Variants in DCLK1 observed in about 807,000 individuals in gnomAD.
The protein encoded by DCLK1 is doublecortin like kinase 1.
DCLK1 carries 16 observed loss-of-function variants against 86.2 expected under a neutral mutation model. The observed-to-expected ratio is 0.19, with a 90% CI of 0.13 to 0.28. DCLK1 has a LOEUF of 0.28. Ranked by LOEUF, DCLK1 falls within the 10% of genes least tolerant of loss-of-function variation. The pLI, the probability that DCLK1 is intolerant of heterozygous loss-of-function variation, is 1.00. For missense variants in DCLK1, 590 were observed against 940.2 expected, an observed-to-expected ratio of 0.63 and a Z score of 4.87; for synonymous variants, 369 against 370.5, an observed-to-expected ratio of 1.00 and a Z score of 0.05.
At chr13:36,083,341 G>A (rs756761397) in intron 3 of DCLK1, among the ~76,000 whole-genome samples, 5 of 152,136 alleles carry the variant, frequency 3.3e-5, no homozygotes, top group South Asian at 2.1e-4. Flanking sequence ...ACGTGTTCAC[G>A]TCTCTGAAAC....
intron 4 of DCLK1, among the ~76,000 whole-genome samples, chr13:35,944,387 T>C (rs74046171): frequency 0.072 from 10,912 of 152,190 alleles, 1,238 homozygotes; most frequent in African/African-American, 0.24. Context: ...GACACCCCTT[T>C]AAGGAAGCTA....
intron 4 of DCLK1, among the ~76,000 whole-genome samples, chr13:35,878,960 A>T (rs567968538): frequency 6.6e-6 from 1 of 151,980 alleles, no homozygotes; most frequent in East Asian, 1.9e-4. Context: ...TGATTTTTGT[A>T]TTATTAGTAG....
rs563992640 is a variant in DCLK1 at position 35,967,694 on chromosome 13, G to A, written c.724-20237C>T. Among the ~76,000 whole-genome samples, 15 of 152,204 alleles carry A rather than the reference G, an allele frequency of 9.9e-5. No homozygotes were observed. In the South Asian group the frequency reaches 2.9e-3, roughly 30 times the overall value. On this transcript the variant is annotated intron_variant, in intron 3 of 16. Coordinates refer to ENST00000360631, the MANE Select transcript of DCLK1 (RefSeq NM_001330071.2). Reference sequence around the variant, plus strand: ...CCCAGGGACACAAACACTGCGGAAGGCGGCAGGGCCCTCTGCCTAGGAAAA... The same window carrying A: ...CCCAGGGACACAAACACTGCGGAAGACGGCAGGGCCCTCTGCCTAGGAAAA...
chr13:35,936,315 T>A (rs1264186597), intron 4 of DCLK1, among the ~76,000 whole-genome samples: 1 of 152,214 alleles, frequency 6.6e-6, no homozygotes, highest in Non-Finnish European at 1.5e-5. Flanking sequence ...TGCAATAGGA[T>A]TGAAAATGAA....
At chr13:36,060,215 A>T (rs964486817) in intron 3 of DCLK1, among the ~76,000 whole-genome samples, 1 of 152,166 alleles carries the variant, frequency 6.6e-6, no homozygotes, top group African/African-American at 2.4e-5. Context: ...AATTCACATG[A>T]GCTATCTATA....
rs1301089146 is a variant in DCLK1 at position 35,774,367 on chromosome 13, T to C, written c.*168A>G. On this transcript the variant is annotated 3_prime_UTR_variant, in exon 17 of 17. Transcript: ENST00000360631. ...TCTTCACAATCACCACGTGTCATCTTATTCAGTAAAGGGAAACCGCTACAA... is the reference window on the plus strand; with the variant it reads ...TCTTCACAATCACCACGTGTCATCTCATTCAGTAAAGGGAAACCGCTACAA... The C allele has an allele frequency of 4.7e-6, 4 of 851,280 alleles. No individual in the cohort carries two copies. The highest frequency in any genetic ancestry group is 5.8e-5 in the Admixed American group (2 of 34,292). The allele number at this position is 851,280 out of a possible 1,614,324, so 52.7% of individuals were successfully genotyped here. A position where few individuals can be genotyped will look rare whatever the true frequency, so the allele number is the denominator to read the frequency against.
At chr13:36,130,030 T>C (rs368177385) in intron 1 of DCLK1, among the ~76,000 whole-genome samples, 1 of 152,286 alleles carries the variant, frequency 6.6e-6, no homozygotes, top group East Asian at 1.9e-4. Context: ...AGGCATATTT[T>C]AACCGTGGGA....
intron 4 of DCLK1, among the ~76,000 whole-genome samples, chr13:35,936,231 G>A (rs1442100017): frequency 6.6e-6 from 1 of 152,112 alleles, no homozygotes; most frequent in Non-Finnish European, 1.5e-5. Flanking sequence ...ATAGAACACT[G>A]AATATAGTGC....
At chr13:35,966,183 G>A (rs929023154) in intron 3 of DCLK1, among the ~76,000 whole-genome samples, 3 of 152,184 alleles carry the variant, frequency 2.0e-5, no homozygotes, top group Admixed American at 6.5e-5. Context: ...TGAAATTCTT[G>A]TGGGAATAAA....
intron 3 of DCLK1, among the ~76,000 whole-genome samples, chr13:35,979,938 G>T (rs1386500393): frequency 6.6e-6 from 1 of 152,138 alleles, no homozygotes; most frequent in Non-Finnish European, 1.5e-5. Flanking sequence ...GTGTGCTGTT[G>T]AAAATATAAC....
In DCLK1 at chr13:35,839,045, C is replaced by A. The variant is rs546174828; in HGVS notation, c.1120+47G>T. ...CCACAGTTTCTTGGAGTAAATTTAG[C>A]CAACCCATCCTCTGCCTCCTCAGAT... On this transcript the variant is annotated intron_variant, in intron 7 of 16. Coordinates refer to ENST00000360631, the MANE Select transcript of DCLK1 (RefSeq NM_001330071.2). 11 of 1,535,142 alleles carry A rather than the reference C, an allele frequency of 7.2e-6. No homozygotes were observed. The South Asian group carries it at 1.3e-4, about 18-fold the overall frequency.
intron 6 of DCLK1, chr13:35,847,602 C>A (rs1418370694): frequency 1.2e-6 from 1 of 810,086 alleles, no homozygotes; most frequent in Admixed American, 1.5e-4. Context: ...GACTTGCACA[C>A]TTCATTGTTT....
At chr13:36,114,044 TAA>T (rs771162328) in intron 2 of DCLK1, among the ~76,000 whole-genome samples, 3 of 152,198 alleles carry the variant, frequency 2.0e-5, no homozygotes, top group Non-Finnish European at 2.9e-5. Flanking sequence ...TGATTATTTA[TAA>T]GTTTCTATAC....
intron 11 of DCLK1, among the ~76,000 whole-genome samples, chr13:35,814,225 C>G (rs1314696943): frequency 6.6e-6 from 1 of 152,174 alleles, no homozygotes; most frequent in African/African-American, 2.4e-5. Flanking sequence ...GTTAAAAATT[C>G]ACAGATTGCT....
intron 4 of DCLK1, among the ~76,000 whole-genome samples, chr13:35,932,543 A>G (rs1360916623): frequency 6.6e-6 from 1 of 152,224 alleles, no homozygotes; most frequent in Admixed American, 6.5e-5. Flanking sequence ...GAAGCCTCAC[A>G]ATCATGGCAG....
Position 36,111,909 on chromosome 13 carries a change from G to A in DCLK1, c.683C>T (p.Ser228Leu). 1 of 1,614,090 alleles carries A rather than the reference G, an allele frequency of 6.2e-7. No homozygotes were observed. The highest frequency in any genetic ancestry group is 8.5e-7 in the Non-Finnish European group (1 of 1,179,996). ...TDITDAIKLDSGVVKRLYTLD... is the reference protein window; with the variant it reads ...TDITDAIKLDLGVVKRLYTLD... The stretch of plus-strand genomic sequence containing the variant: ...CGTGTACAGGCGTTTCACCACTCCC[G>A]AGTCCAGCTTGATGGCATCGGTGAT... The change falls in exon 3 of 17, where the codon TCG becomes TTG. Residue 228 changes from serine (S) to leucine (L), a missense_variant. Around this residue, in one of 6 missense-constraint regions of DCLK1, gnomAD observed 195 missense variants for 365.1 expected, o/e 0.53. Coordinates refer to ENST00000360631, the MANE Select transcript of DCLK1 (RefSeq NM_001330071.2).
chr13:35,990,840 A>AT (rs1455948926), intron 3 of DCLK1, among the ~76,000 whole-genome samples: 1 of 152,120 alleles, frequency 6.6e-6, no homozygotes, highest in Non-Finnish European at 1.5e-5. Flanking sequence ...CCACCAAGTT[A>AT]TTTTGAATCT....
At chr13:35,862,347 C>G (rs1048343504) in intron 5 of DCLK1, among the ~76,000 whole-genome samples, 2 of 152,224 alleles carry the variant, frequency 1.3e-5, no homozygotes, top group Non-Finnish European at 2.9e-5. Flanking sequence ...CCTCTCTCTT[C>G]TTCTAGCCTC....
At chr13:35,933,250 C>T (rs1000420521) in intron 4 of DCLK1, among the ~76,000 whole-genome samples, 1 of 152,232 alleles carries the variant, frequency 6.6e-6, no homozygotes, top group Non-Finnish European at 1.5e-5. Flanking sequence ...CTCCCAGCTG[C>T]TTTCACAGAC....
Sources: gnomAD v4.1 joint callset for allele counts (sites outside exome capture counted in the v4.1 genomes callset) on GRCh38, gnomAD v4.1.1 for gene constraint, gnomAD v4.1.1 regional missense constraint, MANE v1.5 for transcripts, NCBI Gene and HGNC (gene_info 2026-07-23, HGNC 2026-07-21) for gene names.